Variants in BCL2L1 observed in about 807,000 individuals in gnomAD.
The protein encoded by BCL2L1 is BCL2 like 1.
In BCL2L1, 1 loss-of-function variant was observed where a neutral mutation model predicts 18.7. The observed-to-expected ratio is 0.05, with a 90% CI of 0.02 to 0.25. BCL2L1 has a LOEUF of 0.25. BCL2L1 is among the 10% of genes least tolerant of loss of function. The pLI is 1.00. For synonymous variants in BCL2L1, 103 were observed against 122.7 expected (o/e 0.84, Z 1.06); for missense variants, 207 against 304.9 (o/e 0.68, Z 2.39).
At chr20:31,709,316 CGT>C (rs368060910) in intron 2 of BCL2L1, among the ~76,000 whole-genome samples, 7 of 152,068 alleles carry the variant, frequency 4.6e-5, no homozygotes, top group South Asian at 2.1e-4. Flanking sequence ...CTGGCCTGCT[CGT>C]GTGTGTGTGT....
At chr20:31,682,029 C>T (rs2060872555) in intron 2 of BCL2L1, among the ~76,000 whole-genome samples, 1 of 152,174 alleles carries the variant, frequency 6.6e-6, no homozygotes, top group African/African-American at 2.4e-5. Context: ...AGACAGGCTC[C>T]AGTGGGAGCG....
At position 31,721,078 on chromosome 20, in the gene BCL2L1, C is replaced by A. The variant is rs987922507; in HGVS notation, c.564+577G>T. The A allele has an allele frequency of 2.5e-5, 17 of 689,972 alleles. No individual in the cohort carries two copies. The African/African-American group carries it at 3.3e-4, about 13-fold the overall frequency. The allele number at this position is 689,972 out of a possible 1,614,324, so 42.7% of individuals were successfully genotyped here. A position where few individuals can be genotyped will look rare whatever the true frequency, so the allele number is the denominator to read the frequency against. On this transcript the variant is annotated intron_variant, in intron 2 of 2. Coordinates refer to ENST00000307677, the MANE Select transcript of BCL2L1 (RefSeq NM_138578.3). ...CAGCCTACACTGCCCCAAAATCTGACAATTCTCAGCCATTCAACCCAGTGG... is the reference window on the plus strand; with the variant it reads ...CAGCCTACACTGCCCCAAAATCTGAAAATTCTCAGCCATTCAACCCAGTGG...
intron 2 of BCL2L1, among the ~76,000 whole-genome samples, chr20:31,715,090 T>C (rs1281473315): frequency 6.6e-6 from 1 of 151,908 alleles, no homozygotes; most frequent in African/African-American, 2.4e-5. Flanking sequence ...CTGACTAACA[T>C]GGTGAAACCC....
intron 2 of BCL2L1, among the ~76,000 whole-genome samples, chr20:31,678,246 G>A (rs1202910620): frequency 6.6e-6 from 1 of 152,092 alleles, no homozygotes; most frequent in Non-Finnish European, 1.5e-5. Flanking sequence ...CAAAGCTATG[G>A]CGACTCCCTT....
chr20:31,688,075 A>C (rs1230951553), intron 2 of BCL2L1, among the ~76,000 whole-genome samples: 1 of 152,182 alleles, frequency 6.6e-6, no homozygotes, highest in Non-Finnish European at 1.5e-5. Context: ...GGTGCCTGGC[A>C]AATAGTAACA....
chr20:31,720,806 CCA>C, intron 2 of BCL2L1: 13 of 985,404 alleles, frequency 1.3e-5, no homozygotes, highest in Non-Finnish European at 1.6e-5. Context: ...TCTCAATGTC[CCA>C]CAGAGCCCCA....
intron 2 of BCL2L1, among the ~76,000 whole-genome samples, chr20:31,711,743 A>T (rs929153626): frequency 6.6e-6 from 1 of 152,018 alleles, no homozygotes; most frequent in African/African-American, 2.4e-5. Flanking sequence ...GTGGGACAAG[A>T]CCCCTTATCT....
In BCL2L1 at chr20:31,721,664, G is replaced by C. The variant is rs758643540; in HGVS notation, c.555C>G (p.Asn185Lys). 1 of 1,604,444 alleles carries C rather than the reference G, an allele frequency of 6.2e-7. No individual in the cohort carries two copies. The highest frequency in any genetic ancestry group is 8.5e-7 in the Non-Finnish European group (1 of 1,174,058). Reference sequence around the variant, plus strand: ...GGGGCTTGGTTCTTACCCAGCCGCCGTTCTCCTGGATCCAAGGCTCTAGGT... The same window carrying C: ...GGGGCTTGGTTCTTACCCAGCCGCCCTTCTCCTGGATCCAAGGCTCTAGGT... ...NDHLEPWIQE[N>K]GGWDTFVELY... Residue 185 changes from asparagine (N) to lysine (K), a missense_variant, in exon 2 of 3, where the codon AAC becomes AAG. By Grantham distance (94) the Asn-to-Lys change is moderately conservative (BLOSUM62 0). Coordinates refer to ENST00000307677, the MANE Select transcript of BCL2L1 (RefSeq NM_138578.3).
intron 2 of BCL2L1, among the ~76,000 whole-genome samples, chr20:31,702,807 C>T (rs779885998): frequency 2.7e-5 from 4 of 150,926 alleles, no homozygotes; most frequent in African/African-American, 7.3e-5. Flanking sequence ...CCATCGTGCC[C>T]GGCCAGTGGG....
At chr20:31,680,824 G>C (rs114675364) in intron 2 of BCL2L1, among the ~76,000 whole-genome samples, 171 of 152,344 alleles carry the variant, frequency 1.1e-3, no homozygotes, top group African/African-American at 4.0e-3. Flanking sequence ...AGACGGTGAT[G>C]CATTAAGAAA....
chr20:31,667,264 C>T (rs956651234), intron 2 of BCL2L1, among the ~76,000 whole-genome samples: 1 of 152,014 alleles, frequency 6.6e-6, no homozygotes, highest in African/African-American at 2.4e-5. Context: ...AGTTCGAGAC[C>T]AGCCTGGCCA....
At chr20:31,674,107 A>G (rs912200732) in intron 2 of BCL2L1, among the ~76,000 whole-genome samples, 5 of 152,144 alleles carry the variant, frequency 3.3e-5, no homozygotes, top group Middle Eastern at 3.2e-3. Flanking sequence ...CTTTTAATCT[A>G]TCCAAGATAG....
intron 2 of BCL2L1, among the ~76,000 whole-genome samples, chr20:31,691,843 C>T (rs1272152267): frequency 1.3e-5 from 2 of 152,132 alleles, no homozygotes; most frequent in South Asian, 2.1e-4. Context: ...AAATTAAAAC[C>T]GCAAGATACC....
At chr20:31,677,752 T>A (rs1194109448) in intron 2 of BCL2L1, among the ~76,000 whole-genome samples, 1 of 152,198 alleles carries the variant, frequency 6.6e-6, no homozygotes, top group African/African-American at 2.4e-5. Flanking sequence ...ACACTGGTGC[T>A]TCTACCAAGC....
chr20:31,721,591 G>A (rs1459656114), intron 2 of BCL2L1, 64 bp downstream of exon 2: 17 of 1,501,442 alleles, frequency 1.1e-5, no homozygotes, highest in Non-Finnish European at 1.5e-5. Context: ...TACAGAAGAA[G>A]GGCTGTTGGG....
chr20:31,676,920 G>C (rs1205508444), intron 2 of BCL2L1, among the ~76,000 whole-genome samples: 1 of 152,104 alleles, frequency 6.6e-6, no homozygotes. Flanking sequence ...GCTGATGCTC[G>C]TCTCCCTCTG....
intron 2 of BCL2L1, among the ~76,000 whole-genome samples, chr20:31,712,842 C>G (rs979942632): frequency 1.3e-5 from 2 of 151,950 alleles, no homozygotes; most frequent in Non-Finnish European, 2.9e-5. Flanking sequence ...GGATCTGAGG[C>G]ATAGTTGAGT....
intron 2 of BCL2L1, among the ~76,000 whole-genome samples, chr20:31,701,512 C>T (rs1194696049): frequency 6.6e-6 from 1 of 152,196 alleles, no homozygotes. Flanking sequence ...ATTTTCCTTT[C>T]ACCCGACTCC....
chr20:31,693,137 T>C (rs1356100934), intron 2 of BCL2L1, among the ~76,000 whole-genome samples: 2 of 131,296 alleles, frequency 1.5e-5, no homozygotes, highest in Non-Finnish European at 3.2e-5. Context: ...TTTAGGAATA[T>C]ATACCTATAT....
Sources: allele counts gnomAD v4.1 joint callset (sites outside exome capture counted in the v4.1 genomes callset), GRCh38; gene constraint gnomAD v4.1.1; transcripts MANE v1.5; gene names NCBI Gene and HGNC (gene_info 2026-07-23, HGNC 2026-07-21).